HHIP: variants seen among roughly 807,000 people sequenced by gnomAD.
The protein encoded by HHIP is hedgehog interacting protein, also known as hedgehog-interacting protein.
In HHIP, 12 loss-of-function variants were observed where a neutral mutation model predicts 74.0. The ratio of observed to expected loss-of-function variants is 0.16; its 90% CI spans 0.10 to 0.26. HHIP has a LOEUF of 0.26. HHIP is among the 10% of genes least tolerant of loss of function. The pLI is 1.00. For synonymous variants in HHIP, 309 were observed against 311.6 expected (o/e 0.99, Z 0.09); for missense variants, 788 against 845.0 (o/e 0.93, Z 0.84).
At chr4:144,725,879 CAGG>C in intron 11 of HHIP, among the ~76,000 whole-genome samples, 2 of 152,106 alleles carry the variant, frequency 1.3e-5, no homozygotes, top group Non-Finnish European at 2.9e-5. Context: ...CCATGTTGGC[CAGG>C]CTGGTCTCGA....
intron 4 of HHIP, among the ~76,000 whole-genome samples, chr4:144,696,335 C>T (rs1158394439): frequency 1.3e-5 from 2 of 151,640 alleles, no homozygotes; most frequent in Non-Finnish European, 2.9e-5. Flanking sequence ...CCTAAATTAA[C>T]CTTTGTGTTA....
intron 4 of HHIP, among the ~76,000 whole-genome samples, chr4:144,663,646 A>G (rs1728776490): frequency 6.6e-6 from 1 of 152,208 alleles, no homozygotes; most frequent in Non-Finnish European, 1.5e-5. Context: ...GATGCTTGAT[A>G]TAAAGCATAT....
Position 144,737,744 on chromosome 4 carries a change from T to C in HHIP, c.1910-20T>C, listed in dbSNP as rs200171059. 39 of 1,578,090 alleles carry C rather than the reference T, an allele frequency of 2.5e-5. No individual in the cohort carries two copies. Among genetic ancestry groups the C allele is most frequent in the Non-Finnish European group, 1.8e-5 (21 of 1,159,266 alleles). The stretch of plus-strand genomic sequence containing the variant: ...CATACAGAATGAGAGTGTGATGTTC[T>C]TGCTCTTTTTCTCTCCCAGCAAAAT... On this transcript the variant is annotated intron_variant, in intron 12 of 12. Transcript: ENST00000296575.
intron 4 of HHIP, among the ~76,000 whole-genome samples, chr4:144,690,732 G>A (rs1729632677): frequency 6.6e-6 from 1 of 152,070 alleles, no homozygotes; most frequent in Non-Finnish European, 1.5e-5. Flanking sequence ...GTTTTGCTTT[G>A]TTGTTATTTT....
intron 4 of HHIP, among the ~76,000 whole-genome samples, chr4:144,689,136 G>A (rs1449530889): frequency 6.6e-6 from 1 of 152,182 alleles, no homozygotes; most frequent in Non-Finnish European, 1.5e-5. Context: ...TGATTTACAA[G>A]ACAGTTTGAT....
Position 144,738,209 on chromosome 4 carries a change from C to T in HHIP, c.*252C>T. 1 of 1,066,676 alleles carries T rather than the reference C, an allele frequency of 9.4e-7. No homozygotes were observed. The highest frequency in any genetic ancestry group is 1.1e-6 in the Non-Finnish European group (1 of 881,188). 66.1% of individuals were successfully genotyped at this position (1,066,676 alleles called of 1,614,324 possible). ...GATGATTTTTTAAAATATATACTTC[C>T]TTATGCAAAGTAATTTACACAGAAA... is the stretch of plus-strand genomic sequence containing the variant. On this transcript the variant is annotated 3_prime_UTR_variant, in exon 13 of 13. Transcript: ENST00000296575.
At chr4:144,735,003 G>A (rs1731070694) in intron 12 of HHIP, 114 bp downstream of exon 12, 3 of 1,007,728 alleles carry the variant, frequency 3.0e-6, no homozygotes, top group South Asian at 2.4e-5. Flanking sequence ...AAAGTATTTA[G>A]CCATTTACAA....
chr4:144,738,639 T>A lies in HHIP; in HGVS notation c.*682T>A. 1 of 690,654 alleles carries A rather than the reference T, an allele frequency of 1.4e-6. No individual in the cohort carries two copies. The highest frequency in any genetic ancestry group is 1.8e-6 in the Non-Finnish European group (1 of 560,878). The allele number at this position is 690,654 out of a possible 1,614,324, so 42.8% of individuals were successfully genotyped here. A position where few individuals can be genotyped will look rare whatever the true frequency, so the allele number is the denominator to read the frequency against. ...AATCAATCTTCCTAAAAGGTCTGCTTTTATTGTATATTTTATTTAACAATA... is the reference window on the plus strand; with the variant it reads ...AATCAATCTTCCTAAAAGGTCTGCTATTATTGTATATTTTATTTAACAATA... On this transcript the variant is annotated 3_prime_UTR_variant, in exon 13 of 13. Transcript: ENST00000296575.
chr4:144,666,049 A>T (rs1034132483), intron 4 of HHIP, among the ~76,000 whole-genome samples: 1 of 152,220 alleles, frequency 6.6e-6, no homozygotes, highest in East Asian at 1.9e-4. Context: ...TTTAAGTGAG[A>T]TATCTACCAT....
chr4:144,679,714 T>C (rs2126618789), intron 4 of HHIP, among the ~76,000 whole-genome samples: 1 of 152,322 alleles, frequency 6.6e-6, no homozygotes, highest in Non-Finnish European at 1.5e-5. Flanking sequence ...AGGCCTCTGT[T>C]CTGTTCTGTA....
chr4:144,723,035 A>G (rs1730682418), intron 11 of HHIP, among the ~76,000 whole-genome samples: 1 of 152,150 alleles, frequency 6.6e-6, no homozygotes, highest in Non-Finnish European at 1.5e-5. Context: ...ATTGACAAAT[A>G]TTATTTAATT....
intron 10 of HHIP, among the ~76,000 whole-genome samples, chr4:144,716,383 A>G (rs1384432721): frequency 1.3e-5 from 2 of 152,194 alleles, no homozygotes; most frequent in South Asian, 2.1e-4. Flanking sequence ...GAATATAACA[A>G]TTCAAAGAAG....
At chr4:144,647,302 A>T in intron 1 of HHIP, 1 of 221,696 alleles carries the variant, frequency 4.5e-6, no homozygotes, top group South Asian at 1.7e-4. Flanking sequence ...TGAAACTGTA[A>T]ATTAAGGTGG....
chr4:144,665,944 T>A (rs1728849391), intron 4 of HHIP, among the ~76,000 whole-genome samples: 1 of 152,156 alleles, frequency 6.6e-6, no homozygotes, highest in Non-Finnish European at 1.5e-5. Flanking sequence ...ATAGAAGCTA[T>A]AAATCTGAGC....
intron 4 of HHIP, among the ~76,000 whole-genome samples, chr4:144,687,792 T>G (rs1485244199): frequency 7.5e-6 from 1 of 133,072 alleles, no homozygotes; most frequent in African/African-American, 2.8e-5. Context: ...TATTGGCCTA[T>G]AGGTCATCTC....
chr4:144,680,822 C>G (rs571751555), intron 4 of HHIP, among the ~76,000 whole-genome samples: 1 of 152,250 alleles, frequency 6.6e-6, no homozygotes, highest in African/African-American at 2.4e-5. Flanking sequence ...GGACTTGTGT[C>G]CAGGATTACT....
intron 4 of HHIP, among the ~76,000 whole-genome samples, chr4:144,666,389 G>A (rs1329458667): frequency 6.6e-6 from 1 of 151,980 alleles, no homozygotes; most frequent in Non-Finnish European, 1.5e-5. Flanking sequence ...GTTGTTAGCA[G>A]ACACTCTCTT....
chr4:144,725,388 A>G (rs1730767333), intron 11 of HHIP, among the ~76,000 whole-genome samples: 1 of 152,226 alleles, frequency 6.6e-6, no homozygotes, highest in Non-Finnish European at 1.5e-5. Flanking sequence ...TCATCTTCAA[A>G]GAGAATTTGA....
chr4:144,671,877 G>A (rs1008705877), intron 4 of HHIP, among the ~76,000 whole-genome samples: 5 of 152,186 alleles, frequency 3.3e-5, no homozygotes, highest in East Asian at 3.9e-4. Flanking sequence ...TCAGCTACTT[G>A]GGAAGCTGAG....
Sources: gnomAD v4.1 joint callset for allele counts (sites outside exome capture counted in the v4.1 genomes callset) on GRCh38, gnomAD v4.1.1 for gene constraint, MANE v1.5 for transcripts, NCBI Gene and HGNC (gene_info 2026-07-23, HGNC 2026-07-21) for gene names.